DNAH14: variants seen among roughly 807,000 people sequenced by gnomAD.
DNAH14 encodes axonemal beta dynein heavy chain 14.
DNAH14 carries 478 observed loss-of-function variants against 520.9 expected under a neutral mutation model. The ratio of observed to expected loss-of-function variants is 0.92; its 90% CI spans 0.85 to 0.99. The LOEUF is 0.99. DNAH14 is among the 50% of genes least tolerant of loss of function. The probability of loss-of-function intolerance (pLI) is 0.00; values close to 1 mark genes in which losing one functional copy is unlikely to be tolerated. For missense variants in DNAH14, 4,831 were observed against 5,234.5 expected (o/e 0.92, Z 2.38); for synonymous variants, 1,581 against 1,757.2 (o/e 0.90, Z 2.51).
At chr1:225,286,751 T>TA (rs1384401583) in intron 54 of DNAH14, among the ~76,000 whole-genome samples, 1 of 152,184 alleles carries the variant, frequency 6.6e-6, no homozygotes, top group Non-Finnish European at 1.5e-5. Context: ...TGTGAAAACT[T>TA]ACGCCCACAT....
At chr1:225,051,872 G>A in intron 17 of DNAH14, 77 bp downstream of exon 17, 1 of 1,025,360 alleles carries the variant, frequency 9.8e-7, no homozygotes. Context: ...TGTACTTAGA[G>A]AATATATGAT....
At chr1:225,373,355 C>T (rs915615243) in intron 77 of DNAH14, among the ~76,000 whole-genome samples, 5 of 151,972 alleles carry the variant, frequency 3.3e-5, no homozygotes, top group Admixed American at 2.0e-4. Context: ...GTCCCAGCTA[C>T]GCGGGAGGCT....
chr1:225,224,330 T>C (rs892738109), intron 41 of DNAH14, among the ~76,000 whole-genome samples: 3 of 151,686 alleles, frequency 2.0e-5, no homozygotes, highest in Non-Finnish European at 4.4e-5. Context: ...TTGTTTGTTT[T>C]CCCTACTAAG....
intron 12 of DNAH14, among the ~76,000 whole-genome samples, chr1:225,039,751 G>A (rs1425982513): frequency 6.7e-6 from 1 of 148,392 alleles, no homozygotes; most frequent in African/African-American, 2.4e-5. Flanking sequence ...AGTGGCGGGC[G>A]CCTGTAGTCC....
At chr1:225,319,571 G>T (rs2094524527) in intron 61 of DNAH14, among the ~76,000 whole-genome samples, 1 of 152,282 alleles carries the variant, frequency 6.6e-6, no homozygotes, top group Admixed American at 6.5e-5. Flanking sequence ...CAATGCTGAA[G>T]TTAATGCCCG....
Position 225,346,041 on chromosome 1 carries a change from C to G in DNAH14, c.10758C>G (p.Ile3586Met), listed in dbSNP as rs374323375. Reference sequence around the variant, plus strand: ...CATCAAACGAAATTTCAAAGCGCATCGAAGCAACAAAAAAAGCTGAAAGTG... The same window carrying G: ...CATCAAACGAAATTTCAAAGCGCATGGAAGCAACAAAAAAAGCTGAAAGTG... ...KMTSNEISKR[I>M]EATKKAESEI... The change falls in exon 70 of 86, where the codon ATC becomes ATG. Residue 3586 changes from isoleucine (I) to methionine (M), a missense_variant. By Grantham distance (10) the Ile-to-Met change is conservative. Coordinates refer to ENST00000682510, the MANE Select transcript of DNAH14 (RefSeq NM_001367479.1). 1 of 1,551,528 alleles carries G rather than the reference C, an allele frequency of 6.4e-7. No individual in the cohort carries two copies. The highest frequency in any genetic ancestry group is 8.7e-7 in the Non-Finnish European group (1 of 1,146,968).
intron 21 of DNAH14, among the ~76,000 whole-genome samples, chr1:225,094,675 AAAAC>A (rs2074750235): frequency 2.1e-4 from 21 of 97,816 alleles, no homozygotes; most frequent in East Asian, 1.6e-3. Flanking sequence ...AAAAAAAAAA[AAAAC>A]AACAAAACAA....
At chr1:225,081,659 T>C (rs1260759166) in intron 19 of DNAH14, among the ~76,000 whole-genome samples, 1 of 152,204 alleles carries the variant, frequency 6.6e-6, no homozygotes, top group African/African-American at 2.4e-5. Flanking sequence ...TATGGCTTTA[T>C]AAAAGAAGCC....
At chr1:225,397,630 C>T (rs992946556) in intron 84 of DNAH14, 26 of 152,318 alleles carry the variant, frequency 1.7e-4, no homozygotes, top group African/African-American at 6.3e-4. Flanking sequence ...CACCTGGAGT[C>T]ACCTGGAATT....
chr1:225,133,678 CT>C lies in DNAH14; in HGVS notation c.4255-7085del, dbSNP rs761776397. Among the ~76,000 whole-genome samples, 5 of 152,252 alleles carry C rather than the reference CT, an allele frequency of 3.3e-5. No homozygotes were observed. The South Asian group carries it at 1.0e-3, about 32-fold the overall frequency. ...GTAGTGTGATGCCTCCAGATTCGTT[CT>C]TTTTGCTTAGTATTGACTTGGCTAT... is the stretch of plus-strand genomic sequence containing the variant. On this transcript the variant is annotated intron_variant, in intron 27 of 85. Transcript: ENST00000682510.
At position 225,296,644 on chromosome 1, in the gene DNAH14, C is replaced by T. The variant is rs182607112; in HGVS notation, c.8470-4225C>T. Among the ~76,000 whole-genome samples, 143 of 151,998 alleles carry T rather than the reference C, an allele frequency of 9.4e-4. 1 individual carries two copies. Among genetic ancestry groups the T allele is most frequent in the Non-Finnish European group, 1.6e-3 (106 of 68,016 alleles). ...CATCTTTTCACTTCCACTTGTAAGA[C>T]TCCCTTGAGCATTTCTTGTAAGGCT... On this transcript the variant is annotated intron_variant, in intron 55 of 85. Transcript: ENST00000682510.
intron 66 of DNAH14, among the ~76,000 whole-genome samples, chr1:225,336,073 ACT>A (rs1558442285): frequency 8.6e-4 from 123 of 143,410 alleles, no homozygotes; most frequent in Admixed American, 4.1e-3. Context: ...ATACATACAT[ACT>A]TATATATACA....
At chr1:225,027,657 A>C (rs960287196) in intron 11 of DNAH14, among the ~76,000 whole-genome samples, 4 of 152,030 alleles carry the variant, frequency 2.6e-5, no homozygotes, top group African/African-American at 9.7e-5. Context: ...ACTCTTTAAA[A>C]CAACCAGGTC....
At chr1:225,136,485 A>C in intron 27 of DNAH14, among the ~76,000 whole-genome samples, 1 of 152,016 alleles carries the variant, frequency 6.6e-6, no homozygotes, top group African/African-American at 2.4e-5. Context: ...TTGGCCCCCA[A>C]TCTCTTCTGG....
chr1:225,056,678 T>G (rs1335734310), intron 17 of DNAH14, among the ~76,000 whole-genome samples: 1 of 152,200 alleles, frequency 6.6e-6, no homozygotes, highest in East Asian at 1.9e-4. Flanking sequence ...AACATTTAAG[T>G]CTTTAATCCA....
chr1:225,335,913 GTA>G (rs1447875721), intron 66 of DNAH14, among the ~76,000 whole-genome samples: 3 of 122,512 alleles, frequency 2.4e-5, no homozygotes, highest in Non-Finnish European at 5.1e-5. Flanking sequence ...ATGCATGTAT[GTA>G]TATATGCACA....
At chr1:225,326,957 G>A (rs965148015) in intron 64 of DNAH14, among the ~76,000 whole-genome samples, 1 of 152,042 alleles carries the variant, frequency 6.6e-6, no homozygotes, top group Non-Finnish European at 1.5e-5. Context: ...GAACAACTCA[G>A]TAAACCAACT....
chr1:225,153,804 A>G lies in DNAH14; in HGVS notation c.5251A>G (p.Thr1751Ala), dbSNP rs2080752509. The change falls in exon 34 of 86, where the codon ACG (threonine) becomes GCG (alanine). Residue 1751 changes from threonine to alanine, a missense_variant. Physicochemically the swap from Thr to Ala is moderately conservative, Grantham distance 58 (BLOSUM62 0). Coordinates refer to ENST00000682510, the MANE Select transcript of DNAH14 (RefSeq NM_001367479.1). The stretch of plus-strand genomic sequence containing the variant: ...GAAGATAGTTTTAATAATGGCTGGA[A>G]CGAAGAAACGGGAGTTTAAATGGTC... ...SLKIVLIMAG[T>A]KKREFKCDTS... is the part of the protein sequence containing the mutation. 6.5e-7 allele frequency: 1 copy of G among 1,550,256 alleles called. No homozygotes were observed. Among genetic ancestry groups the G allele is most frequent in the Non-Finnish European group, 8.7e-7 (1 of 1,146,038 alleles).
At chr1:225,148,892 G>T (rs1034624250) in intron 31 of DNAH14, among the ~76,000 whole-genome samples, 1 of 152,076 alleles carries the variant, frequency 6.6e-6, no homozygotes, top group Non-Finnish European at 1.5e-5. Context: ...CGTTCTGTGG[G>T]TTGTCTGTTT....
Sources: allele counts gnomAD v4.1 joint callset (sites outside exome capture counted in the v4.1 genomes callset), GRCh38; gene constraint gnomAD v4.1.1; transcripts MANE v1.5; gene names NCBI Gene and HGNC (gene_info 2026-07-23, HGNC 2026-07-21).